EML6: variants seen among roughly 807,000 people sequenced by gnomAD.
EML6 encodes EMAP like 6.
In EML6, 154 loss-of-function variants were observed where a neutral mutation model predicts 240.1. The ratio of observed to expected loss-of-function variants is 0.64; its 90% CI spans 0.56 to 0.73. The LOEUF is 0.73. Among genes scored for constraint, EML6 ranks in the 30% least tolerant of loss-of-function variants. The pLI is 0.00. For synonymous variants in EML6, 1,148 were observed against 899.0 expected, an observed-to-expected ratio of 1.28 and a Z score of -4.95; for missense variants, 2,964 against 2,474.6, an observed-to-expected ratio of 1.20 and a Z score of -4.20.
At position 54,774,738 on chromosome 2, in the gene EML6, C is replaced by A. The variant is rs1235348482; in HGVS notation, c.198-38494C>A. On this transcript the variant is annotated intron_variant, in intron 2 of 41. Coordinates refer to ENST00000356458, the MANE Select transcript of EML6 (RefSeq NM_001039753.4). This position sits in a 1 kb window ranked among gnomAD's most constrained non-coding sequence, Gnocchi z 4.1. ...GATCTTGTGGGACTAAAAGAGTTGG[C>A]ATCCCTAGTCTAATGATCAAATTTA... Among the ~76,000 whole-genome samples the A allele has an allele frequency of 6.6e-6, 1 of 152,224 alleles. No individual in the cohort carries two copies. Among genetic ancestry groups the A allele is most frequent in the Non-Finnish European group, 1.5e-5 (1 of 68,046 alleles).
At chr2:54,820,523 T>G in intron 5 of EML6, 61 bp downstream of exon 5, 1 of 1,021,868 alleles carries the variant, frequency 9.8e-7, no homozygotes. Flanking sequence ...GGTGTTTGTA[T>G]AGATAATTTG....
intron 34 of EML6, 60 bp downstream of exon 34, chr2:54,959,321 C>G: frequency 4.9e-6 from 7 of 1,439,800 alleles, no homozygotes; most frequent in Non-Finnish European, 6.5e-6. Flanking sequence ...GAGAAACTGA[C>G]AAAAGTGTTC....
At chr2:54,836,642 C>T (rs777287497) in intron 7 of EML6, among the ~76,000 whole-genome samples, 1 of 152,136 alleles carries the variant, frequency 6.6e-6, no homozygotes, top group Non-Finnish European at 1.5e-5. Context: ...TCCTCAAACT[C>T]CCCTGGGGGT....
chr2:54,916,659 G>T (rs1219003054), intron 25 of EML6, 100 bp from the exon 26 acceptor site: 1 of 947,666 alleles, frequency 1.1e-6, no homozygotes, highest in Non-Finnish European at 1.5e-6. Flanking sequence ...AATGCCTAAC[G>T]TTGGCAAAGT....
intron 11 of EML6, among the ~76,000 whole-genome samples, chr2:54,856,187 C>T (rs370084824): frequency 1.3e-5 from 2 of 152,196 alleles, no homozygotes. Flanking sequence ...GTTTTCACAT[C>T]TTAAAATAAT....
intron 28 of EML6, among the ~76,000 whole-genome samples, chr2:54,936,831 C>T (rs916340374): frequency 1.3e-5 from 2 of 152,116 alleles, no homozygotes; most frequent in African/African-American, 4.8e-5. Context: ...TCTTTTCTTA[C>T]CTGAGAAGCT....
rs62854460 is a variant in EML6, at chr2:54,897,706, T to C, written c.2983-1935T>C. Among the ~76,000 whole-genome samples, 484 of 143,328 alleles carry C rather than the reference T, an allele frequency of 3.4e-3. 1 individual carries two copies. The highest frequency in any genetic ancestry group is 0.012 in the African/African-American group (464 of 38,764). The allele number at this position is 143,328 out of a possible 152,430, so 94.0% of individuals were successfully genotyped here. ...TACCATTCTCTCCCTTTTTTTTTTT[T>C]CAGCATCTTTTTTTCGTCTTCTGCT... On this transcript the variant is annotated intron_variant, in intron 21 of 41. Transcript: ENST00000356458.
intron 24 of EML6, among the ~76,000 whole-genome samples, chr2:54,907,152 A>T (rs1673367152): frequency 6.6e-6 from 1 of 152,194 alleles, no homozygotes; most frequent in Admixed American, 6.5e-5. Context: ...AAACATAGAA[A>T]GGGTATTTTC....
Position 54,946,949 on chromosome 2 carries a change from G to A in EML6, c.4005-1933G>A, listed in dbSNP as rs562130972. The stretch of plus-strand genomic sequence containing the variant: ...GTGAAAAAAAAAAGCATCGGATTGC[G>A]TCTGTGTATATATATACAATCTCCT... On this transcript the variant is annotated intron_variant, in intron 28 of 41. Coordinates refer to ENST00000356458, the MANE Select transcript of EML6 (RefSeq NM_001039753.4). Among the ~76,000 whole-genome samples the A allele has an allele frequency of 8.6e-5, 13 of 150,946 alleles. No individual in the cohort carries two copies. The South Asian group carries it at 1.3e-3, about 15-fold the overall frequency.
At position 54,970,405 on chromosome 2, in the gene EML6, G is replaced by A. The variant is rs566871420; in HGVS notation, c.*310G>A. The A allele has an allele frequency of 7.9e-4, 275 of 346,430 alleles. No homozygotes were observed. The highest frequency in any genetic ancestry group is 4.6e-3 in the African/African-American group (229 of 49,334). 21.5% of individuals were successfully genotyped at this position (346,430 alleles called of 1,614,324 possible). On this transcript the variant is annotated 3_prime_UTR_variant, in exon 42 of 42. Transcript: ENST00000356458. ...CTATCTGATAATGTAGCCCGCTGAC[G>A]AATTTTGAAGCCTCGGTTACCCTAA...
chr2:54,882,299 T>G (rs1464306389), intron 17 of EML6: 1 of 142,076 alleles, frequency 7.0e-6, no homozygotes, highest in South Asian at 2.2e-4. Flanking sequence ...TCCCTAAAGA[T>G]CATTCCAATT....
chr2:54,849,010 T>G (rs919019839), intron 9 of EML6, among the ~76,000 whole-genome samples: 1 of 152,240 alleles, frequency 6.6e-6, no homozygotes, highest in African/African-American at 2.4e-5. Context: ...TTAATCTTGA[T>G]ACAGTCTCCC....
chr2:54,954,430 C>T (rs1217357850), intron 32 of EML6, among the ~76,000 whole-genome samples: 1 of 152,146 alleles, frequency 6.6e-6, no homozygotes, highest in Non-Finnish European at 1.5e-5. Context: ...GGCAGCCCTC[C>T]TCCTCGGAAG....
At chr2:54,866,207 G>A (rs1253206377) in intron 13 of EML6, among the ~76,000 whole-genome samples, 1 of 152,178 alleles carries the variant, frequency 6.6e-6, no homozygotes, top group Admixed American at 6.5e-5. Context: ...ACATTTCTTG[G>A]TAGTAAAGTA....
chr2:54,900,252 C>G (rs951757589), intron 22 of EML6, among the ~76,000 whole-genome samples: 1 of 152,110 alleles, frequency 6.6e-6, no homozygotes, highest in African/African-American at 2.4e-5. Context: ...GGTACAAATT[C>G]AGCAAACATT....
intron 2 of EML6, among the ~76,000 whole-genome samples, chr2:54,801,819 A>C (rs147069858): frequency 8.2e-4 from 125 of 152,332 alleles, no homozygotes; most frequent in African/African-American, 2.9e-3. Context: ...CTATGTATTA[A>C]AACGTCATGC....
At chr2:54,783,763 T>C (rs1668954647) in intron 2 of EML6, among the ~76,000 whole-genome samples, 1 of 152,236 alleles carries the variant, frequency 6.6e-6, no homozygotes, top group African/African-American at 2.4e-5. Flanking sequence ...ACCCTAAAAA[T>C]TGACTACAGT....
chr2:54,833,145 A>G (rs867184188), intron 7 of EML6, among the ~76,000 whole-genome samples: 1 of 152,252 alleles, frequency 6.6e-6, no homozygotes, highest in African/African-American at 2.4e-5. Context: ...CTATAAATTT[A>G]AAAGTATTAG....
chr2:54,919,761 C>A (rs554236527), intron 26 of EML6, among the ~76,000 whole-genome samples: 21 of 152,190 alleles, frequency 1.4e-4, no homozygotes, highest in Non-Finnish European at 3.1e-4. Context: ...GCTAGTACTT[C>A]CCCTACCTGA....
Sources: gnomAD v4.1 joint callset for allele counts (sites outside exome capture counted in the v4.1 genomes callset) on GRCh38, gnomAD v4.1.1 for gene constraint, Gnocchi (gnomAD v3.1) non-coding constraint, MANE v1.5 for transcripts, NCBI Gene and HGNC (gene_info 2026-07-23, HGNC 2026-07-21) for gene names.